The following NCKAP5 variants were observed in gnomAD, a reference collection of about 807,000 sequenced individuals.
The protein encoded by NCKAP5 is NCK associated protein 5, also known as nck-associated protein 5.
Under a neutral mutation model 167.0 loss-of-function variants are expected in NCKAP5, and 92 were observed. The observed-to-expected ratio is 0.55, with a 90% CI of 0.47 to 0.66. NCKAP5 has a LOEUF of 0.66. Among genes scored for constraint, NCKAP5 ranks in the 30% least tolerant of loss-of-function variants. NCKAP5 has a pLI of 0.00. For missense variants in NCKAP5, 2,378 were observed against 2,315.0 expected (o/e 1.03, Z -0.56); for synonymous variants, 891 against 877.4 (o/e 1.02, Z -0.27).
rs538354802 is a variant in NCKAP5 at position 132,820,883 on chromosome 2, A to G, written c.808-24154T>C. Among the ~76,000 whole-genome samples, 19 of 152,310 alleles carry G rather than the reference A, an allele frequency of 1.2e-4. No individual in the cohort carries two copies. In the South Asian group the frequency reaches 3.9e-3, roughly 32 times the overall value. On this transcript the variant is annotated intron_variant, in intron 11 of 19. Coordinates refer to ENST00000409261, the MANE Select transcript of NCKAP5 (RefSeq NM_207363.3). ...TTTTGGAGGTTGTTACTGCATAATTATTTGGGCTTATCCTGCGTGATAAGT... is the reference window on the plus strand; with the variant it reads ...TTTTGGAGGTTGTTACTGCATAATTGTTTGGGCTTATCCTGCGTGATAAGT...
At chr2:133,099,917 G>A (rs957145423) in intron 6 of NCKAP5, among the ~76,000 whole-genome samples, 3 of 152,136 alleles carry the variant, frequency 2.0e-5, no homozygotes, top group African/African-American at 4.8e-5. Flanking sequence ...CTACTTTTGC[G>A]CTACAAAGTC....
At chr2:133,270,634 C>A (rs1425229406) in intron 4 of NCKAP5, among the ~76,000 whole-genome samples, 1 of 152,218 alleles carries the variant, frequency 6.6e-6, no homozygotes, top group Non-Finnish European at 1.5e-5. Context: ...TTACAAACCA[C>A]CCTCTCCTTT....
chr2:133,529,972 C>T (rs1685227902), intron 2 of NCKAP5, among the ~76,000 whole-genome samples: 1 of 152,120 alleles, frequency 6.6e-6, no homozygotes, highest in Non-Finnish European at 1.5e-5. Context: ...TGTCTCTTCA[C>T]TTTGTTATGG....
At chr2:132,820,171 G>A (rs924414218) in intron 11 of NCKAP5, among the ~76,000 whole-genome samples, 1 of 152,006 alleles carries the variant, frequency 6.6e-6, no homozygotes, top group African/African-American at 2.4e-5. Context: ...TTTCAATTTT[G>A]AAAGAGGACA....
At chr2:132,799,862 A>G in intron 11 of NCKAP5, among the ~76,000 whole-genome samples, 1 of 152,180 alleles carries the variant, frequency 6.6e-6, no homozygotes, top group Non-Finnish European at 1.5e-5. Flanking sequence ...TAATGATCCA[A>G]TCAGGGTAAC....
intron 3 of NCKAP5, among the ~76,000 whole-genome samples, chr2:133,408,906 T>G (rs943556295): frequency 2.6e-4 from 40 of 152,298 alleles, no homozygotes; most frequent in African/African-American, 9.4e-4. Flanking sequence ...TCCTGAAGCC[T>G]GGAGTCAAGC....
intron 4 of NCKAP5, among the ~76,000 whole-genome samples, chr2:133,218,813 C>T (rs2086538092): frequency 6.6e-6 from 1 of 152,148 alleles, no homozygotes. Context: ...CTACTTTATG[C>T]TTAAAAGAGA....
chr2:133,129,849 G>T (rs13004057), intron 6 of NCKAP5, 129 bp downstream of exon 6: 119,805 of 1,099,994 alleles, frequency 0.11, 8,640 homozygotes, highest in East Asian at 0.41. Context: ...AGAACAGAAG[G>T]TCTAAATGGT....
intron 4 of NCKAP5, among the ~76,000 whole-genome samples, chr2:133,293,948 T>C (rs1679775454): frequency 6.6e-6 from 1 of 152,096 alleles, no homozygotes; most frequent in South Asian, 2.1e-4. Context: ...CAGGGAAAGA[T>C]AATGTGAGGC....
At chr2:132,727,500 G>A (rs114041433) in intron 18 of NCKAP5, among the ~76,000 whole-genome samples, 122 of 152,308 alleles carry the variant, frequency 8.0e-4, no homozygotes, top group African/African-American at 2.7e-3. Context: ...ACCTTACTCC[G>A]TATATGCCAA....
chr2:133,477,754 A>G (rs1485964005), intron 3 of NCKAP5, among the ~76,000 whole-genome samples: 1 of 151,674 alleles, frequency 6.6e-6, no homozygotes, highest in Non-Finnish European at 1.5e-5. Flanking sequence ...TGATGATGTG[A>G]TAACTTAGGC....
chr2:133,358,779 T>C (rs1684906586), intron 3 of NCKAP5, among the ~76,000 whole-genome samples: 1 of 152,192 alleles, frequency 6.6e-6, no homozygotes, highest in African/African-American at 2.4e-5. Flanking sequence ...ACAAAAGCCA[T>C]ATGGCTAACA....
chr2:133,371,820 C>A (rs1685825947), intron 3 of NCKAP5, among the ~76,000 whole-genome samples: 1 of 152,120 alleles, frequency 6.6e-6, no homozygotes, highest in African/African-American at 2.4e-5. Context: ...TCAGTGCTTC[C>A]TTACTGGGCT....
chr2:132,858,099 A>T (rs1301143544), intron 11 of NCKAP5, among the ~76,000 whole-genome samples: 3 of 151,762 alleles, frequency 2.0e-5, no homozygotes, highest in Non-Finnish European at 4.4e-5. Context: ...TATTCAACAA[A>T]TAATAACTAA....
the NCKAP5 span, among the ~76,000 whole-genome samples, chr2:133,655,293 T>C: frequency 2.0e-5 from 3 of 152,176 alleles, no homozygotes; most frequent in Non-Finnish European, 2.9e-5. Flanking sequence ...GATGAAATTA[T>C]ATTAAATCAA....
At chr2:133,252,938 C>T (rs1189801892) in intron 4 of NCKAP5, among the ~76,000 whole-genome samples, 1 of 152,220 alleles carries the variant, frequency 6.6e-6, no homozygotes, top group Non-Finnish European at 1.5e-5. Context: ...CAGCCAGCCT[C>T]AGGGGGTCTG....
At chr2:133,007,538 A>G (rs2078010069) in intron 6 of NCKAP5, among the ~76,000 whole-genome samples, 1 of 152,174 alleles carries the variant, frequency 6.6e-6, no homozygotes, top group Non-Finnish European at 1.5e-5. Context: ...ATGCTGGAGT[A>G]ACAACCCCAA....
intron 2 of NCKAP5, among the ~76,000 whole-genome samples, chr2:133,528,543 G>T (rs569290234): frequency 1.3e-5 from 2 of 152,248 alleles, no homozygotes; most frequent in East Asian, 3.9e-4. Context: ...TGGCCTGTGG[G>T]TTGTACTTCA....
chr2:133,183,055 C>T (rs1350817438), intron 5 of NCKAP5, among the ~76,000 whole-genome samples: 1 of 151,756 alleles, frequency 6.6e-6, no homozygotes, highest in Non-Finnish European at 1.5e-5. Context: ...CATAACTCAC[C>T]CAATAAGAAA....
Sources: allele counts gnomAD v4.1 joint callset (sites outside exome capture counted in the v4.1 genomes callset), GRCh38; gene constraint gnomAD v4.1.1; transcripts MANE v1.5; gene names NCBI Gene and HGNC (gene_info 2026-07-23, HGNC 2026-07-21).